The following ATPAF2 variants were observed in gnomAD, a reference collection of about 807,000 sequenced individuals.
The protein encoded by ATPAF2 is ATP12 homolog.
A neutral mutation model predicts 36.6 loss-of-function variants in ATPAF2; 30 were observed. That is an observed-to-expected ratio of 0.82 (90% CI 0.61 to 1.11). The LOEUF (loss-of-function observed/expected upper bound fraction) is 1.11, where lower values mean the gene tolerates loss of function less well. Among genes scored for constraint, ATPAF2 ranks in the 50% most tolerant of loss-of-function variants. The pLI, the probability that ATPAF2 is intolerant of heterozygous loss-of-function variation, is 0.00. For missense variants in ATPAF2, 321 were observed against 372.3 expected (o/e 0.86, Z 1.13); for synonymous variants, 140 against 152.6 (o/e 0.92, Z 0.61).
At chr17:18,033,363 A>G (rs80187143) in intron 1 of ATPAF2, among the ~76,000 whole-genome samples, 1 of 145,670 alleles carries the variant, frequency 6.9e-6, no homozygotes, top group Non-Finnish European at 1.5e-5. Context: ...CTCTGTCTCA[A>G]AAAAAAAAAA....
At chr17:18,035,854 G>A (rs2044695563) in intron 1 of ATPAF2, among the ~76,000 whole-genome samples, 1 of 152,230 alleles carries the variant, frequency 6.6e-6, no homozygotes, top group Non-Finnish European at 1.5e-5. Context: ...CCTCGGAGGT[G>A]ATAGAGAAGC....
chr17:18,021,538 T>TC, intron 6 of ATPAF2: 1 of 633,274 alleles, frequency 1.6e-6, no homozygotes, highest in Non-Finnish European at 2.8e-6. Flanking sequence ...ACTCAAGACT[T>TC]CTGCTGGCGA....
At chr17:18,015,486 T>G (rs1027354556), downstream of ATPAF2, 3 of 152,818 alleles carry the variant, frequency 2.0e-5, no homozygotes, top group Non-Finnish European at 4.4e-5. Flanking sequence ...AGAAGGTGGT[T>G]GTTTCTAACA....
At chr17:18,016,097 G>A (rs1239047026), downstream of ATPAF2, 2 of 1,613,952 alleles carry the variant, frequency 1.2e-6, no homozygotes, top group Non-Finnish European at 1.7e-6. Flanking sequence ...TGTTAATGCT[G>A]TCGGGGCATC....
chr17:18,024,962 T>C, intron 4 of ATPAF2: 1 of 508,484 alleles, frequency 2.0e-6, no homozygotes, highest in Non-Finnish European at 3.6e-6. Context: ...CAGCAATCTG[T>C]TTTAACAAGC....
chr17:18,022,000 CA>C, intron 5 of ATPAF2, 143 bp from the exon 6 acceptor site: 1 of 737,516 alleles, frequency 1.4e-6, no homozygotes, highest in Non-Finnish European at 2.4e-6. Flanking sequence ...GAGCAACTGC[CA>C]CCATGGTCAG....
chr17:18,016,150 G>T, downstream of ATPAF2: 1 of 1,614,008 alleles, frequency 6.2e-7, no homozygotes, highest in Non-Finnish European at 8.5e-7. Flanking sequence ...GAGAAGATGA[G>T]CTGGTGACCA....
At chr17:18,016,549 A>C, downstream of ATPAF2, 7 of 1,597,998 alleles carry the variant, frequency 4.4e-6, no homozygotes, top group Non-Finnish European at 4.3e-6. Flanking sequence ...CTTTGGTTTC[A>C]CTCCTCAGAT....
intron 7 of ATPAF2, among the ~76,000 whole-genome samples, chr17:18,019,187 C>CACACACACACACACACACACACACA (rs1256217214): frequency 7.7e-4 from 31 of 40,462 alleles, no homozygotes; most frequent in African/African-American, 2.8e-3. Flanking sequence ...ACACACACAC[C>CACACACACACACACACACACACACA]CCACCACCCC....
chr17:18,024,997 T>C (rs935156570), intron 4 of ATPAF2: 4 of 442,882 alleles, frequency 9.0e-6, no homozygotes, highest in East Asian at 9.5e-5. Flanking sequence ...TAGTGTAAGC[T>C]TGAGTTTGAG....
downstream of ATPAF2, chr17:18,015,858 A>G (rs1247312342): frequency 2.0e-5 from 11 of 543,744 alleles, no homozygotes; most frequent in Non-Finnish European, 3.6e-5. Context: ...TTTCCCCACA[A>G]CACCTGCCCT....
chr17:18,031,474 T>C (rs1567578077), intron 1 of ATPAF2, among the ~76,000 whole-genome samples: 1 of 151,898 alleles, frequency 6.6e-6, no homozygotes, highest in Admixed American at 6.6e-5. Context: ...GTGAATAAAA[T>C]AGACAGAGTT....
chr17:18,032,337 T>G (rs903885003), intron 1 of ATPAF2, among the ~76,000 whole-genome samples: 1 of 152,314 alleles, frequency 6.6e-6, no homozygotes, highest in South Asian at 2.1e-4. Context: ...GGGAAGTCTT[T>G]TTTCTGTTTT....
chr17:18,027,529 C>A (rs981528694), intron 3 of ATPAF2, among the ~76,000 whole-genome samples: 4 of 152,170 alleles, frequency 2.6e-5, no homozygotes, highest in African/African-American at 7.2e-5. Flanking sequence ...GAGGTGGGTA[C>A]TATTATCACT....
intron 1 of ATPAF2, among the ~76,000 whole-genome samples, chr17:18,030,957 GCCACC>G (rs1441868377): frequency 3.0e-5 from 4 of 132,472 alleles, no homozygotes; most frequent in African/African-American, 1.2e-4. Context: ...GCAGGCGTGA[GCCACC>G]GCGCCTGGCC....
At chr17:18,018,721 G>T in intron 7 of ATPAF2, 35 bp from the exon 8 acceptor site, 1 of 1,613,586 alleles carries the variant, frequency 6.2e-7, no homozygotes, top group South Asian at 1.1e-5. Context: ...CTGGGTGAGT[G>T]GCCAGTGCCT....
intron 5 of ATPAF2, 43 bp downstream of exon 5, chr17:18,024,581 G>A (rs374866164): frequency 3.0e-5 from 47 of 1,542,744 alleles, no homozygotes; most frequent in African/African-American, 8.2e-5. Context: ...TCCACCAAAC[G>A]CAGGTGCCCA....
rs1237843897 is a variant in ATPAF2 at position 18,030,802 on chromosome 17, C to T, written c.134-2143G>A. Among the ~76,000 whole-genome samples the T allele has an allele frequency of 6.6e-5, 9 of 135,570 alleles. 1 individual carries two copies. In the South Asian group the frequency reaches 1.5e-3, roughly 22 times the overall value. 88.9% of individuals were successfully genotyped at this position (135,570 alleles called of 152,430 possible). A position where few individuals can be genotyped will look rare whatever the true frequency, so the allele number is the denominator to read the frequency against. On this transcript the variant is annotated intron_variant, in intron 1 of 7. Transcript: ENST00000474627. ...CCTGCCTCAGCCTCCTGAGTAGCTG[C>T]GACTACAGGCGCCGCCACCACGCCT...
At chr17:18,021,907 G>T in intron 5 of ATPAF2, 50 bp from the exon 6 acceptor site, 1 of 1,513,534 alleles carries the variant, frequency 6.6e-7, no homozygotes, top group Non-Finnish European at 9.2e-7. Context: ...TAGCCCAAGA[G>T]CAGCCCACCT....
Sources: gnomAD v4.1 joint callset for allele counts (sites outside exome capture counted in the v4.1 genomes callset) on GRCh38, gnomAD v4.1.1 for gene constraint, MANE v1.5 for transcripts, NCBI Gene and HGNC (gene_info 2026-07-23, HGNC 2026-07-21) for gene names.